CDK14: variants seen among roughly 807,000 people sequenced by gnomAD.
CDK14 encodes the protein cyclin dependent kinase 14, also known as cyclin-dependent kinase 14.
CDK14 carries 34 observed loss-of-function variants against 60.7 expected under a neutral mutation model. That is an observed-to-expected ratio of 0.56 (90% CI 0.43 to 0.75). The LOEUF (loss-of-function observed/expected upper bound fraction) is 0.75, where lower values mean the gene tolerates loss of function less well. Ranked by LOEUF, CDK14 falls within the 30% of genes least tolerant of loss-of-function variation. The pLI is 0.00. For missense variants in CDK14, 482 were observed against 564.1 expected (o/e 0.85, Z 1.47); for synonymous variants, 197 against 203.7 (o/e 0.97, Z 0.28).
At chr7:90,761,653 G>A (rs563906564) in intron 4 of CDK14, among the ~76,000 whole-genome samples, 4 of 152,146 alleles carry the variant, frequency 2.6e-5, no homozygotes, top group Non-Finnish European at 5.9e-5. Context: ...TTGAGGAGTG[G>A]TGGTGTCACT....
intron 2 of CDK14, among the ~76,000 whole-genome samples, chr7:90,703,223 G>C (rs1464034461): frequency 6.6e-6 from 1 of 152,074 alleles, no homozygotes; most frequent in African/African-American, 2.4e-5. Flanking sequence ...AGGATTTTAT[G>C]TCTGCCATTG....
At chr7:90,824,298 A>C (rs1165085914) in intron 5 of CDK14, among the ~76,000 whole-genome samples, 3 of 152,220 alleles carry the variant, frequency 2.0e-5, no homozygotes, top group African/African-American at 7.2e-5. Flanking sequence ...TGAGAAAATC[A>C]AAGCTTCAGG....
chr7:90,715,120 G>A (rs1423555075), intron 2 of CDK14, among the ~76,000 whole-genome samples: 1 of 151,982 alleles, frequency 6.6e-6, no homozygotes, highest in Non-Finnish European at 1.5e-5. Flanking sequence ...TTTACATGAG[G>A]GACAGAATAG....
chr7:91,097,413 G>GCGT (rs1799025552), intron 12 of CDK14, among the ~76,000 whole-genome samples: 1 of 151,978 alleles, frequency 6.6e-6, no homozygotes, highest in Non-Finnish European at 1.5e-5. Context: ...AAAATTTTCA[G>GCGT]TGGTTAAAAA....
chr7:91,034,077 G>T (rs978928380), intron 10 of CDK14, among the ~76,000 whole-genome samples: 1 of 152,114 alleles, frequency 6.6e-6, no homozygotes, highest in African/African-American at 2.4e-5. Flanking sequence ...TGTTATCCTC[G>T]ACTTTCTTTA....
intron 13 of CDK14, among the ~76,000 whole-genome samples, chr7:91,112,931 T>G (rs1799512471): frequency 6.6e-6 from 1 of 151,918 alleles, no homozygotes; most frequent in Non-Finnish European, 1.5e-5. Context: ...TGCCATTCAT[T>G]TGCTAGCTTA....
At chr7:91,140,548 G>C (rs1800424451) in intron 14 of CDK14, among the ~76,000 whole-genome samples, 1 of 152,172 alleles carries the variant, frequency 6.6e-6, no homozygotes, top group African/African-American at 2.4e-5. Context: ...AGTACAGGCA[G>C]CTCTAACTCG....
chr7:90,953,839 T>C (rs1794329918), intron 8 of CDK14, among the ~76,000 whole-genome samples: 2 of 152,320 alleles, frequency 1.3e-5, no homozygotes, highest in Non-Finnish European at 2.9e-5. Flanking sequence ...TATGGAACCA[T>C]AGGCATTTGA....
chr7:90,809,467 A>G (rs557952234), intron 5 of CDK14, among the ~76,000 whole-genome samples: 7 of 152,152 alleles, frequency 4.6e-5, no homozygotes, highest in Non-Finnish European at 7.4e-5. Context: ...GACACATTCA[A>G]AGCAGTGTGT....
intron 2 of CDK14, among the ~76,000 whole-genome samples, chr7:90,696,268 G>A (rs1181404012): frequency 3.3e-5 from 5 of 151,966 alleles, no homozygotes; most frequent in East Asian, 3.9e-4. Flanking sequence ...GGGGAATATC[G>A]GAAGGAGGAG....
chr7:90,942,739 C>G (rs1341770132), intron 8 of CDK14, among the ~76,000 whole-genome samples: 2 of 152,290 alleles, frequency 1.3e-5, no homozygotes, highest in East Asian at 3.9e-4. Context: ...AAAACATGCA[C>G]CCGGCTTACA....
chr7:91,090,992 TTGTTTG>T (rs1798788091), intron 12 of CDK14, among the ~76,000 whole-genome samples: 1 of 30,158 alleles, frequency 3.3e-5, no homozygotes, highest in Non-Finnish European at 5.5e-5. Flanking sequence ...TAAGTTGGTT[TTGTTTG>T]TGTGTGTGTG....
rs1803657049 is a variant in CDK14, at chr7:90,747,870, A to G, written c.464+95A>G. 5 of 490,334 alleles carry G rather than the reference A, an allele frequency of 1.0e-5. No individual in the cohort carries two copies. The South Asian group carries it at 3.9e-4, about 38-fold the overall frequency. 30.4% of individuals were successfully genotyped at this position (490,334 alleles called of 1,614,324 possible). ...TATTTAAATAATTATTATTTAATATACAATAGATTTTCCTCCCTCACGGTA... is the reference window on the plus strand; with the variant it reads ...TATTTAAATAATTATTATTTAATATGCAATAGATTTTCCTCCCTCACGGTA... On this transcript the variant is annotated intron_variant, in intron 4 of 14. Transcript: ENST00000380050.
chr7:91,096,384 T>A (rs1485361735), intron 12 of CDK14, among the ~76,000 whole-genome samples: 3 of 152,168 alleles, frequency 2.0e-5, no homozygotes, highest in Non-Finnish European at 2.9e-5. Flanking sequence ...AGACCTTTTT[T>A]GCCAACAGCC....
At chr7:91,116,934 A>G (rs1799626434) in intron 13 of CDK14, among the ~76,000 whole-genome samples, 1 of 151,548 alleles carries the variant, frequency 6.6e-6, no homozygotes, top group Non-Finnish European at 1.5e-5. Context: ...GTCTATCTGC[A>G]TGGACTCCCT....
chr7:90,996,620 T>G (rs528173216), intron 10 of CDK14, among the ~76,000 whole-genome samples: 1 of 152,340 alleles, frequency 6.6e-6, no homozygotes, highest in Non-Finnish European at 1.5e-5. Context: ...ATTTGTCTCT[T>G]TTGACAATGA....
At chr7:90,679,597 C>A (rs1278395362) in intron 2 of CDK14, among the ~76,000 whole-genome samples, 1 of 152,160 alleles carries the variant, frequency 6.6e-6, no homozygotes, top group Non-Finnish European at 1.5e-5. Context: ...AAGAGACTTA[C>A]AAGTAATAGT....
intron 6 of CDK14, among the ~76,000 whole-genome samples, chr7:90,884,400 G>A (rs1003915100): frequency 4.6e-5 from 7 of 152,030 alleles, no homozygotes; most frequent in African/African-American, 1.7e-4. Flanking sequence ...CCTCTTCAAG[G>A]GGAACTACAA....
At chr7:90,987,662 G>A (rs1306580503) in intron 10 of CDK14, among the ~76,000 whole-genome samples, 2 of 151,930 alleles carry the variant, frequency 1.3e-5, no homozygotes, top group African/African-American at 4.8e-5. Context: ...ACTCTCTCAA[G>A]ACTGGTGTGA....
Sources: allele counts gnomAD v4.1 joint callset (sites outside exome capture counted in the v4.1 genomes callset), GRCh38; gene constraint gnomAD v4.1.1; transcripts MANE v1.5; gene names NCBI Gene and HGNC (gene_info 2026-07-23, HGNC 2026-07-21).